CDYL: variants seen among roughly 807,000 people sequenced by gnomAD.
CDYL encodes chromodomain Y like.
Under a neutral mutation model 47.3 loss-of-function variants are expected in CDYL, and 8 were observed. That is an observed-to-expected ratio of 0.17 (90% confidence interval 0.10 to 0.31). The LOEUF is 0.31. Among genes scored for constraint, CDYL ranks in the 10% least tolerant of loss-of-function variants. CDYL has a pLI of 1.00. For synonymous variants in CDYL, 266 were observed against 265.0 expected, an observed-to-expected ratio of 1.00 and a Z score of -0.04; for missense variants, 471 against 701.4, an observed-to-expected ratio of 0.67 and a Z score of 3.71.
At position 4,953,984 on chromosome 6, in the gene CDYL, G is replaced by T. The variant is rs1426803515; in HGVS notation, c.1563G>T (p.Lys521Asn). 1 of 1,614,172 alleles carries T rather than the reference G, an allele frequency of 6.2e-7. No individual in the cohort carries two copies. Among genetic ancestry groups the T allele is most frequent in the South Asian group, 1.1e-5 (1 of 91,066 alleles). The change falls in exon 7 of 7, where the codon AAG becomes AAT. Residue 521 changes from lysine (K) to asparagine (N), a missense_variant. By Grantham distance (94) the Lys-to-Asn change is moderately conservative. Coordinates refer to ENST00000397588, the MANE Select transcript of CDYL (RefSeq NM_004824.4). Reference protein sequence around the residue: ...QANERECEVLKKIWGSAQGMD... With the variant: ...QANERECEVLNKIWGSAQGMD... ...ACGAGAGGGAGTGTGAGGTGCTGAAGAAAATCTGGGGCTCGGCCCAGGGGA... is the reference window on the plus strand; with the variant it reads ...ACGAGAGGGAGTGTGAGGTGCTGAATAAAATCTGGGGCTCGGCCCAGGGGA...
Position 4,734,682 on chromosome 6 carries a change from GA to G in CDYL, c.104-79del. The G allele has an allele frequency of 3.2e-6, 5 of 1,575,784 alleles. No homozygotes were observed. In the South Asian group the frequency reaches 5.8e-5, roughly 18 times the overall value. The stretch of plus-strand genomic sequence containing the variant: ...AGGGCACAGGGATGGGAAGTTGGGG[GA>G]TGGGGATGGAGGGAAGATGGGGATG... On this transcript the variant is annotated intron_variant, in intron 2 of 8. Coordinates refer to the CDYL transcript ENST00000328908.
At chr6:4,715,857 A>G in exon 2 of CDYL, 2 of 1,614,184 alleles carry the variant, frequency 1.2e-6, no homozygotes, top group Non-Finnish European at 1.7e-6. Flanking sequence ...CCCAACCCAA[A>G]AGTTATTCCT....
intron 2 of CDYL, among the ~76,000 whole-genome samples, chr6:4,723,964 G>A (rs1047462090): frequency 1.3e-5 from 2 of 150,834 alleles, no homozygotes; most frequent in Non-Finnish European, 2.9e-5. Context: ...GGGATTAAAA[G>A]AGAGATTTAT....
chr6:4,867,739 T>C lies in CDYL; in HGVS notation c.25-23974T>C, dbSNP rs575978233. Reference sequence around the variant, plus strand: ...GGTTTGGGATTTTCATGTCTGTGTTTATGAGGAATATTGTTTTGTAGGTTG... The same window carrying C: ...GGTTTGGGATTTTCATGTCTGTGTTCATGAGGAATATTGTTTTGTAGGTTG... On this transcript the variant is annotated intron_variant, in intron 1 of 6. Transcript: ENST00000397588. Among the ~76,000 whole-genome samples the C allele has an allele frequency of 3.3e-5, 5 of 151,944 alleles. No individual in the cohort carries two copies. The East Asian group carries it at 9.6e-4, about 29-fold the overall frequency.
intron 1 of CDYL, among the ~76,000 whole-genome samples, chr6:4,858,917 T>G (rs1400079293): frequency 1.3e-5 from 2 of 152,224 alleles, no homozygotes; most frequent in African/African-American, 4.8e-5. Context: ...AAACAGTGGT[T>G]GCCACATAAA....
chr6:4,875,828 A>G (rs1436724611), intron 1 of CDYL, among the ~76,000 whole-genome samples: 2 of 152,228 alleles, frequency 1.3e-5, no homozygotes, highest in African/African-American at 2.4e-5. Flanking sequence ...TCGTTTTACT[A>G]TGCATCCATC....
At chr6:4,830,319 C>G (rs79982155) in intron 1 of CDYL, among the ~76,000 whole-genome samples, 4,038 of 152,202 alleles carry the variant, frequency 0.027, 182 homozygotes, top group African/African-American at 0.092. Context: ...TCTGGTGGAC[C>G]ACTAGGAGGA....
chr6:4,866,362 T>A (rs1761323349), intron 1 of CDYL, among the ~76,000 whole-genome samples: 1 of 152,170 alleles, frequency 6.6e-6, no homozygotes, highest in South Asian at 2.1e-4. Context: ...TTTATTTTTT[T>A]AAAAGTGGCA....
chr6:4,855,325 A>G (rs1055020045), intron 1 of CDYL, among the ~76,000 whole-genome samples: 5 of 152,134 alleles, frequency 3.3e-5, no homozygotes, highest in Admixed American at 2.6e-4. Flanking sequence ...CACCCAGGCT[A>G]GAGTGCAGTG....
chr6:4,772,349 G>A (rs1334008219), upstream of CDYL, among the ~76,000 whole-genome samples: 6 of 152,190 alleles, frequency 3.9e-5, no homozygotes, highest in African/African-American at 1.4e-4. Flanking sequence ...GGGCGGCAGG[G>A]AGAGGCTGCC....
rs35154777 is a variant in CDYL at position 4,716,593 on chromosome 6, A to ATTTTTTT, written c.103+726_103+732dup. Reference sequence around the variant, plus strand: ...ACAAGCGTCAGAGAAGGCAGCAATAATTTTTTTTTTTTTTTTTTTTGCCTC... The same window carrying ATTTTTTT: ...ACAAGCGTCAGAGAAGGCAGCAATAATTTTTTTTTTTTTTTTTTTTTTTTTTTGCCTC... On this transcript the variant is annotated intron_variant, in intron 2 of 8. Coordinates refer to the CDYL transcript ENST00000328908. 5.2e-3 allele frequency among the ~76,000 whole-genome samples: 623 copies of ATTTTTTT among 119,914 alleles called. 17 individuals are homozygous for ATTTTTTT. Among genetic ancestry groups the ATTTTTTT allele is most frequent in the African/African-American group, 0.019 (584 of 30,934 alleles). 78.7% of individuals were successfully genotyped at this position (119,914 alleles called of 152,430 possible).
At chr6:4,933,514 A>C (rs1758093771) in intron 2 of CDYL, among the ~76,000 whole-genome samples, 1 of 152,118 alleles carries the variant, frequency 6.6e-6, no homozygotes. Context: ...ACAGAGGGAG[A>C]GGTGAAGACA....
upstream of CDYL, chr6:4,774,890 GT>G (rs1229040747): frequency 6.6e-6 from 1 of 152,292 alleles, no homozygotes; most frequent in Non-Finnish European, 1.5e-5. Flanking sequence ...CTGGGAGTTT[GT>G]TTCAAACGGT....
chr6:4,954,121 T>C lies in CDYL; in HGVS notation c.*65T>C, dbSNP rs1481290890. On this transcript the variant is annotated 3_prime_UTR_variant, in exon 7 of 7. Transcript: ENST00000397588. ...GCAGGAGAACATCACCGGCTCCAGT[T>C]CCCCTGATCCATTCTCACAGCCTGA... The C allele has an allele frequency of 6.6e-7, 1 of 1,519,952 alleles. No individual in the cohort carries two copies. The highest frequency in any genetic ancestry group is 8.9e-7 in the Non-Finnish European group (1 of 1,120,772). The allele number at this position is 1,519,952 out of a possible 1,614,324, so 94.2% of individuals were successfully genotyped here.
At chr6:4,866,388 G>T (rs938800259) in intron 1 of CDYL, among the ~76,000 whole-genome samples, 2 of 152,010 alleles carry the variant, frequency 1.3e-5, no homozygotes, top group Non-Finnish European at 2.9e-5. Flanking sequence ...TCAAGTAGAA[G>T]AAAGAAGATT....
chr6:4,920,951 G>A (rs896915131), intron 2 of CDYL, among the ~76,000 whole-genome samples: 1 of 152,006 alleles, frequency 6.6e-6, no homozygotes, highest in East Asian at 1.9e-4. Flanking sequence ...GTGTGTGTTT[G>A]TATGTATGTG....
At chr6:4,721,622 C>T (rs148650990) in intron 2 of CDYL, among the ~76,000 whole-genome samples, 114 of 152,186 alleles carry the variant, frequency 7.5e-4, no homozygotes, top group Non-Finnish European at 1.3e-3. Context: ...CTCAACTGAC[C>T]CACCCACCTC....
At chr6:4,836,357 C>G (rs979860817) in intron 1 of CDYL, 4 of 664,938 alleles carry the variant, frequency 6.0e-6, no homozygotes, top group Non-Finnish European at 7.4e-6. Context: ...AATTCCAACC[C>G]CCTAGAGGAG....
At chr6:4,715,644 T>G in intron 1 of CDYL, 2 of 1,205,622 alleles carry the variant, frequency 1.7e-6, no homozygotes, top group South Asian at 1.8e-5. Flanking sequence ...CACTCTCAGA[T>G]TCAATGTAGA....
Sources: allele counts gnomAD v4.1 joint callset (sites outside exome capture counted in the v4.1 genomes callset), GRCh38; gene constraint gnomAD v4.1.1; transcripts MANE v1.5; gene names NCBI Gene and HGNC (gene_info 2026-07-23, HGNC 2026-07-21).